The following ARHGAP10 variants were observed in gnomAD, a reference collection of about 807,000 sequenced individuals.
The protein encoded by ARHGAP10 is rho GTPase-activating protein 10.
In ARHGAP10, 87 loss-of-function variants were observed where a neutral mutation model predicts 108.6. The ratio of observed to expected loss-of-function variants is 0.80; its 90% CI spans 0.67 to 0.96. The LOEUF is 0.96. Ranked by LOEUF, ARHGAP10 falls within the 40% of genes least tolerant of loss-of-function variation. The pLI is 0.00. For synonymous variants in ARHGAP10, 347 were observed against 341.1 expected (o/e 1.02, Z -0.19); for missense variants, 939 against 954.5 (o/e 0.98, Z 0.21).
chr4:148,005,353 G>T (rs1740904166), intron 18 of ARHGAP10, among the ~76,000 whole-genome samples: 1 of 152,060 alleles, frequency 6.6e-6, no homozygotes, highest in Admixed American at 6.6e-5. Flanking sequence ...AGGGCTTGAG[G>T]CAGGAGGGCC....
chr4:148,035,235 A>T (rs78627949), intron 19 of ARHGAP10, among the ~76,000 whole-genome samples: 403 of 152,310 alleles, frequency 2.6e-3, no homozygotes, highest in Non-Finnish European at 4.2e-3. Flanking sequence ...GGCAAGCATT[A>T]TGCTTAATTT....
At chr4:147,801,280 A>G (rs1731570660) in intron 1 of ARHGAP10, among the ~76,000 whole-genome samples, 1 of 152,234 alleles carries the variant, frequency 6.6e-6, no homozygotes, top group Non-Finnish European at 1.5e-5. Flanking sequence ...GTCGTTAATT[A>G]CAGAACACAG....
chr4:147,763,492 A>G (rs1032767945), intron 1 of ARHGAP10, among the ~76,000 whole-genome samples: 32 of 151,700 alleles, frequency 2.1e-4, no homozygotes, highest in African/African-American at 7.3e-4. Context: ...TTGTGTTTTT[A>G]GTAGAGATGG....
At chr4:147,896,490 A>G (rs1318793814) in intron 10 of ARHGAP10, among the ~76,000 whole-genome samples, 2 of 152,088 alleles carry the variant, frequency 1.3e-5, no homozygotes, top group Admixed American at 6.6e-5. Flanking sequence ...TGTCATATCT[A>G]CTTGTTCCTT....
chr4:147,733,738 C>T (rs987213501), intron 1 of ARHGAP10, among the ~76,000 whole-genome samples: 1 of 152,200 alleles, frequency 6.6e-6, no homozygotes, highest in African/African-American at 2.4e-5. Flanking sequence ...AAGTACATTT[C>T]TGTGGGAAGA....
At chr4:147,900,382 C>T (rs1048355907) in intron 10 of ARHGAP10, among the ~76,000 whole-genome samples, 7 of 152,034 alleles carry the variant, frequency 4.6e-5, no homozygotes, top group African/African-American at 1.7e-4. Context: ...ATTCCAATTC[C>T]CAAACTTAGG....
chr4:147,845,131 A>G (rs1733581516), intron 3 of ARHGAP10, among the ~76,000 whole-genome samples: 4 of 152,140 alleles, frequency 2.6e-5, no homozygotes, highest in African/African-American at 9.7e-5. Flanking sequence ...AGCAGGAAAC[A>G]ATTTCCCTTG....
At chr4:147,924,935 A>C (rs1311736895) in intron 13 of ARHGAP10, among the ~76,000 whole-genome samples, 1 of 151,620 alleles carries the variant, frequency 6.6e-6, no homozygotes, top group African/African-American at 2.4e-5. Context: ...TAGTCTCATT[A>C]TTGATTTAAG....
intron 16 of ARHGAP10, among the ~76,000 whole-genome samples, chr4:147,959,475 G>A (rs747713684): frequency 8.6e-5 from 13 of 151,914 alleles, no homozygotes; most frequent in African/African-American, 2.2e-4. Flanking sequence ...CCATTAACTC[G>A]TCATTTACAT....
At chr4:147,806,003 C>T (rs1483061498) in intron 1 of ARHGAP10, among the ~76,000 whole-genome samples, 2 of 152,108 alleles carry the variant, frequency 1.3e-5, no homozygotes, top group African/African-American at 4.8e-5. Context: ...CAATATTTTC[C>T]ACCCAATGAG....
chr4:147,905,840 C>T (rs1011841764), intron 10 of ARHGAP10, among the ~76,000 whole-genome samples: 35 of 151,928 alleles, frequency 2.3e-4, no homozygotes, highest in African/African-American at 4.1e-4. Flanking sequence ...GCCATTTTCA[C>T]GATATTGATT....
In ARHGAP10 at chr4:147,932,439, G is replaced by A. The variant is rs184755020; in HGVS notation, c.1229-7386G>A. On this transcript the variant is annotated intron_variant, in intron 13 of 22. Coordinates refer to ENST00000336498, the MANE Select transcript of ARHGAP10 (RefSeq NM_024605.4). ...TGATAGACTGGATAAAGAAAATGCCGTACATGTAATATACCATGGAATACT... is the reference window on the plus strand; with the variant it reads ...TGATAGACTGGATAAAGAAAATGCCATACATGTAATATACCATGGAATACT... Among the ~76,000 whole-genome samples, 155 of 152,260 alleles carry A rather than the reference G, an allele frequency of 1.0e-3. 1 individual carries two copies. The highest frequency in any genetic ancestry group is 3.6e-3 in the African/African-American group (148 of 41,554).
intron 13 of ARHGAP10, 113 bp downstream of exon 13, chr4:147,913,252 A>G: frequency 2.2e-6 from 2 of 902,964 alleles, no homozygotes; most frequent in African/African-American, 1.7e-5. Context: ...GTTAACACAA[A>G]TGCTCATTCT....
intron 6 of ARHGAP10, chr4:147,865,516 ATG>A (rs1411696892): frequency 7.9e-5 from 12 of 152,580 alleles, no homozygotes; most frequent in African/African-American, 2.9e-4. Flanking sequence ...TTGTTTATAT[ATG>A]AAGATGTATG....
At position 147,864,818 on chromosome 4, in the gene ARHGAP10, T is replaced by C. The variant is rs374000912; in HGVS notation, c.487-28T>C. The C allele has an allele frequency of 3.8e-6, 6 of 1,598,758 alleles. No individual in the cohort carries two copies. The African/African-American group carries it at 8.1e-5, about 22-fold the overall frequency. ...CGTTTCACTTTTCACCATCTCCAGT[T>C]TGACTAACCTCTGTGATTTTAACAT... is the stretch of plus-strand genomic sequence containing the variant. On this transcript the variant is annotated intron_variant, in intron 5 of 22. Transcript: ENST00000336498.
Position 148,046,206 on chromosome 4 carries a change from A to G in ARHGAP10, c.1868-686A>G, listed in dbSNP as rs571612307. ...CTACCCAAGCCCACAATGTATACAA[A>G]TATTATACTAAACATATTTAATAAA... On this transcript the variant is annotated intron_variant, in intron 19 of 22. Transcript: ENST00000336498. Among the ~76,000 whole-genome samples, 91 of 152,318 alleles carry G rather than the reference A, an allele frequency of 6.0e-4. No homozygotes were observed. In the South Asian group the frequency reaches 0.019, roughly 32 times the overall value.
intron 13 of ARHGAP10, among the ~76,000 whole-genome samples, chr4:147,931,346 A>G (rs1173842073): frequency 4.0e-5 from 6 of 151,540 alleles, no homozygotes; most frequent in Non-Finnish European, 8.8e-5. Flanking sequence ...CTGTAAACAC[A>G]TTGACCAGGT....
At chr4:147,915,192 T>C (rs916083434) in intron 13 of ARHGAP10, among the ~76,000 whole-genome samples, 4 of 152,168 alleles carry the variant, frequency 2.6e-5, no homozygotes, top group African/African-American at 9.7e-5. Context: ...GATTTGCCCA[T>C]CAATAACAAC....
At chr4:147,738,257 A>G (rs1728498158) in intron 1 of ARHGAP10, among the ~76,000 whole-genome samples, 1 of 152,128 alleles carries the variant, frequency 6.6e-6, no homozygotes, top group Non-Finnish European at 1.5e-5. Flanking sequence ...CGTCAGTAAA[A>G]TAGAAATTGT....
Sources: gnomAD v4.1 joint callset for allele counts (sites outside exome capture counted in the v4.1 genomes callset) on GRCh38, gnomAD v4.1.1 for gene constraint, MANE v1.5 for transcripts, NCBI Gene and HGNC (gene_info 2026-07-23, HGNC 2026-07-21) for gene names.